The following LMNA variants were observed in gnomAD, a reference collection of about 807,000 sequenced individuals.
LMNA encodes lamin.
A neutral mutation model predicts 70.4 loss-of-function variants in LMNA; 20 were observed. The observed-to-expected ratio is 0.28, with a 90% CI of 0.20 to 0.41. The LOEUF is 0.41. LMNA is among the 10% of genes least tolerant of loss of function. The pLI is 1.00. For missense variants in LMNA, 652 were observed against 917.2 expected (o/e 0.71, Z 3.73); for synonymous variants, 339 against 372.8 (o/e 0.91, Z 1.04).
chr1:156,127,342 C>T (rs963481292), intron 1 of LMNA, among the ~76,000 whole-genome samples: 3 of 152,068 alleles, frequency 2.0e-5, no homozygotes, highest in Admixed American at 6.6e-5. Context: ...GCTTCTTCCC[C>T]GCAGATGGGA....
At chr1:156,126,587 T>C in intron 1 of LMNA, 1 of 848,360 alleles carries the variant, frequency 1.2e-6, no homozygotes. Flanking sequence ...CTGCTGCAGC[T>C]GGGGAGCCGG....
At position 156,134,890 on chromosome 1, in the gene LMNA, C is replaced by T. The variant is rs397517906; in HGVS notation, c.725C>T (p.Ala242Val). The change falls in exon 4 of 12, where the codon GCG becomes GTG. Residue 242 changes from alanine to valine, a missense_variant. This residue lies in a region of LMNA where 254 missense variants were observed against 421.9 expected (regional missense o/e 0.60). Coordinates refer to ENST00000368300, the MANE Select transcript of LMNA (RefSeq NM_170707.4). The surrounding 1 kb of genome is among the most constrained non-coding windows in gnomAD (Gnocchi z 5.3). ...CAGCGTGAGTTTGAGAGCCGGCTGGCGGATGCGCTGCAGGAACTGCGGGCC... is the reference window on the plus strand; with the variant it reads ...CAGCGTGAGTTTGAGAGCCGGCTGGTGGATGCGCTGCAGGAACTGCGGGCC... ...GKQREFESRLADALQELRAQH... is the reference protein window; with the variant it reads ...GKQREFESRLVDALQELRAQH... The T allele has an allele frequency of 3.1e-6, 5 of 1,614,182 alleles. No individual in the cohort carries two copies. The highest frequency in any genetic ancestry group is 2.2e-5 in the South Asian group (2 of 91,084).
In LMNA at chr1:156,103,607, G is replaced by A. The variant is rs776966803; in HGVS notation, c.-206-11106G>A. Among the ~76,000 whole-genome samples, 7 of 152,100 alleles carry A rather than the reference G, an allele frequency of 4.6e-5. No individual in the cohort carries two copies. Among genetic ancestry groups the A allele is most frequent in the South Asian group, 2.1e-4 (1 of 4,828 alleles). On this transcript the variant is annotated intron_variant, in intron 3 of 12. Coordinates refer to the LMNA transcript ENST00000368301. The surrounding 1 kb of genome is among the most constrained non-coding windows in gnomAD (Gnocchi z 4.7). ...CCTCCTTGCAAGCCCTCATTCGGGC[G>A]GGGAGAAGGAAGGGGTCCTGGACTA...
In LMNA at chr1:156,104,715, C is replaced by T. The variant is rs566583149; in HGVS notation, c.-206-9998C>T. On this transcript the variant is annotated intron_variant, in intron 3 of 12. Transcript: ENST00000368301. ...GACCCCAGCCTGGCAACGGCTAGTG[C>T]GTCGTCGGTGCTCAGTTAGCCCCAA... 9.2e-5 allele frequency among the ~76,000 whole-genome samples: 14 copies of T among 152,306 alleles called. No homozygotes were observed. The East Asian group carries it at 1.5e-3, about 17-fold the overall frequency.
Position 156,136,756 on chromosome 1 carries a change from C to T in LMNA, c.1381-165C>T. On this transcript the variant is annotated intron_variant, in intron 7 of 11. Coordinates refer to ENST00000368300, the MANE Select transcript of LMNA (RefSeq NM_170707.4). This position sits in a 1 kb window ranked among gnomAD's most constrained non-coding sequence, Gnocchi z 6.1. Reference sequence around the variant, plus strand: ...GTGCCTGGTGCTGCGTATGTGTCCACAGATCATGGCTATTATCCCCGGGGG... The same window carrying T: ...GTGCCTGGTGCTGCGTATGTGTCCATAGATCATGGCTATTATCCCCGGGGG... The T allele has an allele frequency of 1.4e-6, 1 of 718,986 alleles. No individual in the cohort carries two copies. The allele number at this position is 718,986 out of a possible 1,614,324, so 44.5% of individuals were successfully genotyped here.
intron 2 of LMNA, among the ~76,000 whole-genome samples, chr1:156,133,446 C>A (rs1277509025): frequency 2.0e-5 from 3 of 152,002 alleles, no homozygotes; most frequent in African/African-American, 7.2e-5. Context: ...TGGCCCATGT[C>A]TGTAGTCCCA....
chr1:156,139,914 A>C lies in LMNA; in HGVS notation c.*808A>C. On this transcript the variant is annotated 3_prime_UTR_variant, in exon 12 of 12. Transcript: ENST00000368300. ...TGGGGTGCTGGGAGGAGGGAGAGGGAGGTCACTGGAAAGGGGAGAGCCTGC... is the reference window on the plus strand; with the variant it reads ...TGGGGTGCTGGGAGGAGGGAGAGGGCGGTCACTGGAAAGGGGAGAGCCTGC... 7.5e-7 allele frequency: 1 copy of C among 1,328,896 alleles called. No individual in the cohort carries two copies. The highest frequency in any genetic ancestry group is 9.9e-7 in the Non-Finnish European group (1 of 1,005,644). The allele number at this position is 1,328,896 out of a possible 1,614,324, so 82.3% of individuals were successfully genotyped here. A position where few individuals can be genotyped will look rare whatever the true frequency, so the allele number is the denominator to read the frequency against.
Position 156,126,891 on chromosome 1 carries a change from C to A in LMNA, c.357-3726C>A, listed in dbSNP as rs767029896. 1.9e-6 allele frequency: 3 copies of A among 1,609,786 alleles called. No homozygotes were observed. The East Asian group carries it at 6.7e-5, about 36-fold the overall frequency. ...GCACAGCACCCGGCCTGGGGCAGGA[C>A]ACGGGCGAAGCCAGGGTCTCCCCTG... On this transcript the variant is annotated intron_variant, in intron 1 of 11. Coordinates refer to ENST00000368300, the MANE Select transcript of LMNA (RefSeq NM_170707.4).
chr1:156,137,465 G>A lies in LMNA; in HGVS notation c.1609-189G>A, dbSNP rs1297836907. 1.7e-5 allele frequency: 13 copies of A among 772,728 alleles called. No individual in the cohort carries two copies. Among genetic ancestry groups the A allele is most frequent in the East Asian group, 2.7e-5 (1 of 37,482 alleles). 47.9% of individuals were successfully genotyped at this position (772,728 alleles called of 1,614,324 possible). On this transcript the variant is annotated intron_variant, in intron 9 of 11. Coordinates refer to ENST00000368300, the MANE Select transcript of LMNA (RefSeq NM_170707.4). The surrounding 1 kb of genome is among the most constrained non-coding windows in gnomAD (Gnocchi z 4.6). ...TAAAGGCAGAGCCATACTCCTACCC[G>A]GAGAGCTTGACAGTGTCCCTCTGGG...
rs147019811 is a variant in LMNA at position 156,130,922 on chromosome 1, G to A, written c.513+149G>A. 4.6e-4 allele frequency: 346 copies of A among 757,006 alleles called. No homozygotes were observed. The African/African-American group carries it at 5.6e-3, about 12-fold the overall frequency. 46.9% of individuals were successfully genotyped at this position (757,006 alleles called of 1,614,324 possible). On this transcript the variant is annotated intron_variant, in intron 2 of 11. Coordinates refer to ENST00000368300, the MANE Select transcript of LMNA (RefSeq NM_170707.4). The stretch of plus-strand genomic sequence containing the variant: ...CTGTCCTAGAGTCATTTTACCCACT[G>A]AGGTCACATCTTATCCTAATTTGGC...
chr1:156,122,100 G>A (rs758267456), intron 1 of LMNA, among the ~76,000 whole-genome samples: 10 of 152,008 alleles, frequency 6.6e-5, no homozygotes, highest in South Asian at 2.1e-4. Context: ...GCAAGATTCC[G>A]TCTCAAAAAA....
rs1651504048 is a variant in LMNA, at chr1:156,135,635, G to GT, written c.937-264dup. 33 of 592,808 alleles carry GT rather than the reference G, an allele frequency of 5.6e-5. 1 individual carries two copies. In the South Asian group the frequency reaches 6.3e-4, roughly 11 times the overall value. 36.7% of individuals were successfully genotyped at this position (592,808 alleles called of 1,614,324 possible). A position where few individuals can be genotyped will look rare whatever the true frequency, so the allele number is the denominator to read the frequency against. On this transcript the variant is annotated intron_variant, in intron 5 of 11. Coordinates refer to ENST00000368300, the MANE Select transcript of LMNA (RefSeq NM_170707.4). This position sits in a 1 kb window ranked among gnomAD's most constrained non-coding sequence, Gnocchi z 4.8. The stretch of plus-strand genomic sequence containing the variant: ...TGTTAAAAGCATCAGTATTTTTCTA[G>GT]TTGGCTGTGCTATTTGTGACAGGAG...
chr1:156,135,325 C>T lies in LMNA; in HGVS notation c.936+13C>T, dbSNP rs1572361410. On this transcript the variant is annotated intron_variant, in intron 5 of 11. Transcript: ENST00000368300. This position sits in a 1 kb window ranked among gnomAD's most constrained non-coding sequence, Gnocchi z 4.8. ...GCTCCAGAAGCAGGTGATACCCCAC[C>T]TCACCCCTCTCTCCAGGGGCCTAGA... The T allele has an allele frequency of 2.5e-6, 4 of 1,611,860 alleles. No homozygotes were observed. In the Admixed American group the frequency reaches 6.7e-5, roughly 27 times the overall value.
chr1:156,126,271 G>A (rs565426400), intron 1 of LMNA: 79 of 1,399,254 alleles, frequency 5.6e-5, no homozygotes, highest in Non-Finnish European at 6.6e-5. Flanking sequence ...CTGCAGGGCT[G>A]GGCCAGCTCC....
chr1:156,097,057 T>G (rs945744941), intron 3 of LMNA, among the ~76,000 whole-genome samples: 3 of 152,182 alleles, frequency 2.0e-5, no homozygotes, highest in Non-Finnish European at 4.4e-5. Context: ...GGGGTCCTGA[T>G]GAGGCTGCTA....
rs1055531200 is a variant in LMNA at position 156,136,553 on chromosome 1, A to G, written c.1380+117A>G. ...TGCCCTCAGAGGGTGGACCAGGGTG[A>G]GCCTGTATATCTCCTCCACACTCTG... is the stretch of plus-strand genomic sequence containing the variant. On this transcript the variant is annotated intron_variant, in intron 7 of 11. Transcript: ENST00000368300. This position sits in a 1 kb window ranked among gnomAD's most constrained non-coding sequence, Gnocchi z 6.1. 1 of 1,068,860 alleles carries G rather than the reference A, an allele frequency of 9.4e-7. No homozygotes were observed. The highest frequency in any genetic ancestry group is 1.4e-6 in the Non-Finnish European group (1 of 721,444). 66.2% of individuals were successfully genotyped at this position (1,068,860 alleles called of 1,614,324 possible). A position where few individuals can be genotyped will look rare whatever the true frequency, so the allele number is the denominator to read the frequency against.
Position 156,137,345 on chromosome 1 carries a change from C to A in LMNA, c.1608+113C>A. Reference sequence around the variant, plus strand: ...CAATTCAGGGCCCCTTTCTAGAGCTCTCTGTTGCAGGCTCCAGACTTCTCC... The same window carrying A: ...CAATTCAGGGCCCCTTTCTAGAGCTATCTGTTGCAGGCTCCAGACTTCTCC... On this transcript the variant is annotated intron_variant, in intron 9 of 11. Coordinates refer to ENST00000368300, the MANE Select transcript of LMNA (RefSeq NM_170707.4). This position sits in a 1 kb window ranked among gnomAD's most constrained non-coding sequence, Gnocchi z 4.6. The A allele has an allele frequency of 7.2e-7, 1 of 1,385,848 alleles. No homozygotes were observed. The highest frequency in any genetic ancestry group is 9.9e-7 in the Non-Finnish European group (1 of 1,012,064). 85.8% of individuals were successfully genotyped at this position (1,385,848 alleles called of 1,614,324 possible).
In LMNA at chr1:156,138,184, C is replaced by T. The variant is rs1651833001; in HGVS notation, c.1699-304C>T. 1.8e-6 allele frequency: 1 copy of T among 560,478 alleles called. No homozygotes were observed. Among genetic ancestry groups the T allele is most frequent in the African/African-American group, 1.9e-5 (1 of 53,174 alleles). The allele number at this position is 560,478 out of a possible 1,614,324, so 34.7% of individuals were successfully genotyped here. A position where few individuals can be genotyped will look rare whatever the true frequency, so the allele number is the denominator to read the frequency against. On this transcript the variant is annotated intron_variant, in intron 10 of 11. Transcript: ENST00000368300. This position sits in a 1 kb window ranked among gnomAD's most constrained non-coding sequence, Gnocchi z 5.5. ...TCCAATTAATAGTGCATGCCTGCTG[C>T]CCTACAAGCTTGCTCCCGTTCTCTC...
At position 156,134,410 on chromosome 1, in the gene LMNA, CA is replaced by C. The variant is rs794728606; in HGVS notation, c.522del (p.Ala175ProfsTer2). 1 of 1,614,106 alleles carries C rather than the reference CA, an allele frequency of 6.2e-7. No homozygotes were observed. Among genetic ancestry groups the C allele is most frequent in the Non-Finnish European group, 8.5e-7 (1 of 1,180,020 alleles). On this transcript the variant is annotated frameshift_variant, in exon 3 of 12. Coordinates refer to ENST00000368300, the MANE Select transcript of LMNA (RefSeq NM_170707.4). LOFTEE classifies it high-confidence loss of function. The surrounding 1 kb of genome is among the most constrained non-coding windows in gnomAD (Gnocchi z 5.3). ...DLRGQVAKLEAALGEAKKQLQ... is the reference protein window; with the variant it reads ...DLRGQVAKLEXALGEAKKQLQ... Reference sequence around the variant, plus strand: ...CTGCCTGCTTCCTCACAGCTTGAGGCAGCCCTAGGTGAGGCCAAGAAGCAAC... The same window carrying C: ...CTGCCTGCTTCCTCACAGCTTGAGGCGCCCTAGGTGAGGCCAAGAAGCAAC...
Sources: allele counts gnomAD v4.1 joint callset (sites outside exome capture counted in the v4.1 genomes callset), GRCh38; gene constraint gnomAD v4.1.1; regional missense constraint gnomAD v4.1.1; non-coding constraint Gnocchi (gnomAD v3.1); transcripts MANE v1.5; gene names NCBI Gene and HGNC (gene_info 2026-07-23, HGNC 2026-07-21).